The following ABCC11 variants were observed in gnomAD, a reference collection of about 807,000 sequenced individuals.
ABCC11 encodes the protein ATP-binding cassette sub-family C member 11.
ABCC11 carries 135 observed loss-of-function variants against 149.3 expected under a neutral mutation model. That is an observed-to-expected ratio of 0.90 (90% confidence interval 0.79 to 1.04). The LOEUF (loss-of-function observed/expected upper bound fraction) is 1.04, where lower values mean the gene tolerates loss of function less well. Ranked by LOEUF, ABCC11 falls within the 50% of genes least tolerant of loss-of-function variation. The pLI is 0.00. For synonymous variants in ABCC11, 665 were observed against 671.4 expected (o/e 0.99, Z 0.15); for missense variants, 1,680 against 1,722.1 (o/e 0.98, Z 0.43).
intron 22 of ABCC11, among the ~76,000 whole-genome samples, chr16:48,185,475 T>C (rs74645470): frequency 0.011 from 1,669 of 152,358 alleles, 30 homozygotes; most frequent in African/African-American, 0.039. Flanking sequence ...GTTATTTGAT[T>C]AGTATTATTA....
intron 26 of ABCC11, among the ~76,000 whole-genome samples, chr16:48,171,368 A>T (rs1188012308): frequency 3.3e-5 from 5 of 152,140 alleles, no homozygotes; most frequent in Non-Finnish European, 7.4e-5. Flanking sequence ...GTGCGGAGAG[A>T]TTGCAACCAT....
intron 13 of ABCC11, among the ~76,000 whole-genome samples, chr16:48,203,811 A>C (rs1016374205): frequency 6.6e-6 from 1 of 152,228 alleles, no homozygotes; most frequent in African/African-American, 2.4e-5. Flanking sequence ...GAAAGGTTGC[A>C]GTAAGCCAAG....
chr16:48,209,142 G>T (rs926477844), intron 11 of ABCC11, among the ~76,000 whole-genome samples: 1 of 152,192 alleles, frequency 6.6e-6, no homozygotes, highest in African/African-American at 2.4e-5. Context: ...GGCTTCTACA[G>T]AGCAGGTGTC....
chr16:48,189,906 G>A (rs893561724), intron 20 of ABCC11, among the ~76,000 whole-genome samples: 11 of 152,108 alleles, frequency 7.2e-5, no homozygotes, highest in African/African-American at 1.7e-4. Flanking sequence ...CACCTCCTGC[G>A]TCTCCAAGTC....
At chr16:48,171,667 C>A (rs751358300) in intron 26 of ABCC11, among the ~76,000 whole-genome samples, 2 of 152,124 alleles carry the variant, frequency 1.3e-5, no homozygotes, top group Non-Finnish European at 2.9e-5. Flanking sequence ...TATATCGAAA[C>A]CTTTTTCATC....
chr16:48,205,660 A>G, intron 12 of ABCC11, 123 bp from the exon 13 acceptor site: 1 of 1,325,372 alleles, frequency 7.5e-7, no homozygotes, highest in Non-Finnish European at 1.0e-6. Context: ...TCCTAGGTAA[A>G]AGGGACTTTT....
chr16:48,174,486 T>C (rs1965910119), intron 26 of ABCC11, among the ~76,000 whole-genome samples: 1 of 152,182 alleles, frequency 6.6e-6, no homozygotes, highest in South Asian at 2.1e-4. Context: ...CCAGATAAAG[T>C]GCATTGTCAG....
At chr16:48,205,159 G>A (rs941585980) in intron 13 of ABCC11, among the ~76,000 whole-genome samples, 41 of 152,316 alleles carry the variant, frequency 2.7e-4, no homozygotes, top group Non-Finnish European at 5.0e-4. Flanking sequence ...AAAGCAACTG[G>A]GTTCAAATCC....
chr16:48,212,167 TTG>T (rs1471403968), intron 10 of ABCC11, among the ~76,000 whole-genome samples: 1 of 152,196 alleles, frequency 6.6e-6, no homozygotes, highest in African/African-American at 2.4e-5. Context: ...AAAGCACTGT[TTG>T]TGTTACTCAG....
rs778294822 is a variant in ABCC11, at chr16:48,205,543, G to A, written c.1681-6C>T. 3.7e-6 allele frequency: 6 copies of A among 1,613,480 alleles called. No homozygotes were observed. In the South Asian group the frequency reaches 4.4e-5, roughly 12 times the overall value. On this transcript the variant is annotated splice_polypyrimidine_tract_variant and splice_region_variant and intron_variant, in intron 12 of 29. Coordinates refer to ENST00000356608, the MANE Select transcript of ABCC11 (RefSeq NM_001370497.1). ...GAGCCCTCGAGCAAGTGCATCTGCG[G>A]CAGAATGAGTCCAGCCTCAGGACCA...
intron 10 of ABCC11, among the ~76,000 whole-genome samples, chr16:48,212,132 G>A (rs749122769): frequency 4.6e-5 from 7 of 152,220 alleles, no homozygotes; most frequent in Non-Finnish European, 1.0e-4. Context: ...AGAAGTCAGG[G>A]AAGCGCACTG....
chr16:48,190,376 T>A (rs1354282514), intron 20 of ABCC11, among the ~76,000 whole-genome samples: 5 of 151,730 alleles, frequency 3.3e-5, no homozygotes, highest in African/African-American at 7.2e-5. Context: ...TTTTTTTTTT[T>A]AAATGAGATA....
At chr16:48,187,154 G>A in intron 21 of ABCC11, 47 bp downstream of exon 21, 1 of 1,613,382 alleles carries the variant, frequency 6.2e-7, no homozygotes, top group Non-Finnish European at 8.5e-7. Context: ...AGTCTGGGTT[G>A]GTCCCAGCCT....
intron 23 of ABCC11, among the ~76,000 whole-genome samples, chr16:48,181,895 G>A (rs1966459364): frequency 6.6e-6 from 1 of 152,222 alleles, no homozygotes; most frequent in Admixed American, 6.5e-5. Context: ...TTACAGGCGT[G>A]AGCCAACGTG....
chr16:48,192,873 G>T (rs1347716445), intron 19 of ABCC11, among the ~76,000 whole-genome samples, 156 bp from the exon 20 acceptor site: 1 of 152,164 alleles, frequency 6.6e-6, no homozygotes, highest in African/African-American at 2.4e-5. Context: ...ACTCTCTTTT[G>T]CCCTTCATTC....
chr16:48,198,856 G>A (rs1434890909), intron 15 of ABCC11, among the ~76,000 whole-genome samples: 1 of 152,056 alleles, frequency 6.6e-6, no homozygotes, highest in African/African-American at 2.4e-5. Flanking sequence ...GGCCAACACG[G>A]TGAAACCTCG....
rs374596906 is a variant in ABCC11 at position 48,200,403 on chromosome 16, C to T, written c.1955G>A (p.Arg652His). The T allele has an allele frequency of 2.1e-5, 34 of 1,614,096 alleles. 1 individual carries two copies. Among genetic ancestry groups the T allele is most frequent in the East Asian group, 6.7e-5 (3 of 44,894 alleles). ...ISLARAVYSD[R>H]QIYLLDDPLS... ...GGGGTCGTCCAGCAGGTAGATCTGACGGTCGGAATAGACGGCGCGGGCCAG... is the reference window on the plus strand; with the variant it reads ...GGGGTCGTCCAGCAGGTAGATCTGATGGTCGGAATAGACGGCGCGGGCCAG... Residue 652 changes from arginine (R) to histidine (H), a missense_variant, in exon 15 of 30, where the codon CGT becomes CAT. Arg to His is a conservative substitution (Grantham distance 29). Transcript: ENST00000356608.
At chr16:48,186,906 C>T (rs1196197288) in intron 22 of ABCC11, 47 bp downstream of exon 22, 1 of 1,608,022 alleles carries the variant, frequency 6.2e-7, no homozygotes. Context: ...CTGCTCCCCA[C>T]CACCCCTGTG....
chr16:48,214,777 C>G, intron 9 of ABCC11, 104 bp downstream of exon 9: 1 of 1,408,912 alleles, frequency 7.1e-7, no homozygotes, highest in African/African-American at 1.4e-5. Context: ...CATATAATGT[C>G]CATTTACAAA....
Sources: allele counts gnomAD v4.1 joint callset (sites outside exome capture counted in the v4.1 genomes callset), GRCh38; gene constraint gnomAD v4.1.1; transcripts MANE v1.5; gene names NCBI Gene and HGNC (gene_info 2026-07-23, HGNC 2026-07-21).